The following MED6 variants were observed in gnomAD, a reference collection of about 807,000 sequenced individuals.
The protein encoded by MED6 is mediator complex subunit 6, also known as mediator of RNA polymerase II transcription subunit 6.
Under a neutral mutation model 37.5 loss-of-function variants are expected in MED6, and 33 were observed. The observed-to-expected ratio is 0.88, with a 90% CI of 0.67 to 1.18. MED6 has a LOEUF of 1.18. MED6 is among the 50% of genes most tolerant of loss of function. MED6 has a pLI of 0.00. For missense variants in MED6, 235 were observed against 290.6 expected (o/e 0.81, Z 1.39); for synonymous variants, 94 against 93.6 (o/e 1.00, Z -0.02).
chr14:70,595,313 G>A (rs1885010947), intron 3 of MED6: 5 of 548,338 alleles, frequency 9.1e-6, no homozygotes, highest in Non-Finnish European at 1.8e-5. Flanking sequence ...ACGAAGAGCT[G>A]GCTCAGAAGA....
In MED6 at chr14:70,584,636, A is replaced by G. The variant is rs955242970; in HGVS notation, c.*177T>C. The G allele has an allele frequency of 4.1e-6, 3 of 733,638 alleles. No individual in the cohort carries two copies. Among genetic ancestry groups the G allele is most frequent in the Non-Finnish European group, 4.1e-6 (2 of 483,556 alleles). The allele number at this position is 733,638 out of a possible 1,614,324, so 45.4% of individuals were successfully genotyped here. On this transcript the variant is annotated 3_prime_UTR_variant, in exon 8 of 8. Transcript: ENST00000256379. ...AGTGATCCACCCGCCATGGCCTCCC[A>G]AAGTGCTGGGATTACAGGCGTGAGC...
chr14:70,595,136 G>A (rs1429690580), intron 3 of MED6: 33 of 401,080 alleles, frequency 8.2e-5, no homozygotes, highest in Admixed American at 6.1e-4. Flanking sequence ...AGTGTCACTC[G>A]GCTTCAGCTA....
intron 1 of MED6, 87 bp from the exon 2 acceptor site, chr14:70,597,864 A>G: frequency 9.3e-7 from 1 of 1,074,670 alleles, no homozygotes; most frequent in Non-Finnish European, 1.3e-6. Context: ...CAAATGTAGT[A>G]GGCACTATGA....
At chr14:70,596,355 T>A (rs182967366) in intron 3 of MED6, 4 of 327,280 alleles carry the variant, frequency 1.2e-5, no homozygotes, top group African/African-American at 8.3e-5. Flanking sequence ...GCACATGGAT[T>A]CCTACAGACC....
intron 6 of MED6, among the ~76,000 whole-genome samples, chr14:70,588,118 C>A (rs1376132719): frequency 6.6e-6 from 1 of 152,106 alleles, no homozygotes; most frequent in Non-Finnish European, 1.5e-5. Flanking sequence ...GGGAGACTTG[C>A]AGTAGATTAT....
intron 1 of MED6, among the ~76,000 whole-genome samples, chr14:70,598,557 G>A (rs954985890): frequency 3.5e-4 from 54 of 152,262 alleles, no homozygotes; most frequent in African/African-American, 1.1e-3. Context: ...TGGAGAGAAG[G>A]TGGGTTTTAG....
rs1046123323 is a variant in MED6 at position 70,583,338 on chromosome 14, T to G, written c.*1475A>C. The G allele has an allele frequency of 6.6e-6, 1 of 152,140 alleles. No homozygotes were observed. The highest frequency in any genetic ancestry group is 2.4e-5 in the African/African-American group (1 of 41,406). 9.4% of individuals were successfully genotyped at this position (152,140 alleles called of 1,614,324 possible). ...ATAAAAGCAGAAAAAGATGAGAAAT[T>G]CTTCAACTACTTTAAATACTAAAAT... On this transcript the variant is annotated 3_prime_UTR_variant, in exon 8 of 8. Transcript: ENST00000256379.
At chr14:70,594,727 A>C in intron 3 of MED6, 1 of 473,390 alleles carries the variant, frequency 2.1e-6, no homozygotes, top group Non-Finnish European at 3.9e-6. Context: ...AGCTTGGGGT[A>C]CAGGAGCCTG....
At chr14:70,585,684 C>T (rs562131413) in intron 7 of MED6, 72 bp downstream of exon 7, 17 of 1,347,816 alleles carry the variant, frequency 1.3e-5, no homozygotes, top group Admixed American at 4.5e-5. Flanking sequence ...ATTTCACATG[C>T]TATACTTGTG....
At position 70,584,751 on chromosome 14, in the gene MED6, C is replaced by A; in HGVS notation, c.*62G>T. On this transcript the variant is annotated 3_prime_UTR_variant, in exon 8 of 8. Transcript: ENST00000256379. ...ATAAAGTACTTCAAAGCTCAAGAGC[C>A]ACAGTACTGAGGTATGATAACTAGC... The A allele has an allele frequency of 6.4e-7, 1 of 1,551,388 alleles. No individual in the cohort carries two copies. Among genetic ancestry groups the A allele is most frequent in the Non-Finnish European group, 8.7e-7 (1 of 1,151,246 alleles).
At chr14:70,596,350 T>G in intron 3 of MED6, 2 of 311,352 alleles carry the variant, frequency 6.4e-6, no homozygotes, top group Non-Finnish European at 1.2e-5. Context: ...AACTTGCACA[T>G]GGATTCCTAC....
chr14:70,588,957 C>A (rs188719827), intron 6 of MED6, among the ~76,000 whole-genome samples: 4 of 152,100 alleles, frequency 2.6e-5, no homozygotes, highest in Non-Finnish European at 4.4e-5. Context: ...CTCACCAGGA[C>A]AGGACAGCAA....
At chr14:70,598,624 C>T (rs1043155198) in intron 1 of MED6, among the ~76,000 whole-genome samples, 1 of 151,806 alleles carries the variant, frequency 6.6e-6, no homozygotes, top group Non-Finnish European at 1.5e-5. Flanking sequence ...AAAGTAATTC[C>T]AAGCAGAGAG....
intron 3 of MED6, among the ~76,000 whole-genome samples, chr14:70,594,169 G>C (rs1363079154): frequency 6.6e-6 from 1 of 152,176 alleles, no homozygotes; most frequent in Non-Finnish European, 1.5e-5. Flanking sequence ...GATGTAGCTA[G>C]AATAACACCC....
chr14:70,594,845 A>G, intron 3 of MED6: 1 of 652,346 alleles, frequency 1.5e-6, no homozygotes, highest in Non-Finnish European at 2.8e-6. Context: ...TCCTACCTGG[A>G]CAGAGTGAGG....
intron 3 of MED6, chr14:70,594,815 C>A: frequency 3.2e-6 from 2 of 631,050 alleles, no homozygotes; most frequent in Non-Finnish European, 5.9e-6. Flanking sequence ...CCTGAACCTA[C>A]CCTGGTTCAA....
chr14:70,599,330 G>C (rs890852068), intron 1 of MED6, among the ~76,000 whole-genome samples: 1 of 152,312 alleles, frequency 6.6e-6, no homozygotes. Context: ...CATTTAGATA[G>C]TTCATCATAA....
chr14:70,596,259 CA>C, intron 3 of MED6: 1 of 201,122 alleles, frequency 5.0e-6, no homozygotes, highest in Non-Finnish European at 1.0e-5. Context: ...CCTGAGCAGA[CA>C]TATTGAATGC....
chr14:70,594,480 G>A (rs935335385), intron 3 of MED6: 4 of 308,550 alleles, frequency 1.3e-5, no homozygotes, highest in Non-Finnish European at 2.6e-5. Context: ...GTGGACTGAT[G>A]TGAAAAAAAA....
Sources: allele counts gnomAD v4.1 joint callset (sites outside exome capture counted in the v4.1 genomes callset), GRCh38; gene constraint gnomAD v4.1.1; transcripts MANE v1.5; gene names NCBI Gene and HGNC (gene_info 2026-07-23, HGNC 2026-07-21).